Variants in WNT7A observed in about 807,000 individuals in gnomAD.
The protein encoded by WNT7A is protein Wnt-7a.
WNT7A carries 16 observed loss-of-function variants against 28.2 expected under a neutral mutation model. The observed-to-expected ratio is 0.57, with a 90% CI of 0.38 to 0.86. The LOEUF (loss-of-function observed/expected upper bound fraction) is 0.86. Ranked by LOEUF, WNT7A falls within the 40% of genes least tolerant of loss-of-function variation. WNT7A has a pLI of 0.00. For synonymous variants in WNT7A, 190 were observed against 195.9 expected, an observed-to-expected ratio of 0.97 and a Z score of 0.25; for missense variants, 411 against 489.7, an observed-to-expected ratio of 0.84 and a Z score of 1.52.
chr3:13,840,971 A>G (rs1694448145), intron 3 of WNT7A, among the ~76,000 whole-genome samples: 1 of 152,220 alleles, frequency 6.6e-6, no homozygotes, highest in Non-Finnish European at 1.5e-5. Context: ...ATTTACATGC[A>G]GTAATTCACT....
rs1694246645 is a variant in WNT7A, at chr3:13,829,623, A to G, written c.571-10200T>C. ...GTACACTGCTATGTGCCTGCAGGCGAGTCCCTTTCCTTCTCTGAGTCTCAG... is the reference window on the plus strand; with the variant it reads ...GTACACTGCTATGTGCCTGCAGGCGGGTCCCTTTCCTTCTCTGAGTCTCAG... On this transcript the variant is annotated intron_variant, in intron 3 of 3. Coordinates refer to ENST00000285018, the MANE Select transcript of WNT7A (RefSeq NM_004625.4). Among the ~76,000 whole-genome samples, 2 of 152,144 alleles carry G rather than the reference A, an allele frequency of 1.3e-5. 1 individual carries two copies. The highest frequency in any genetic ancestry group is 1.3e-4 in the Admixed American group (2 of 15,284).
intron 1 of WNT7A, among the ~76,000 whole-genome samples, chr3:13,877,793 G>T (rs1695131475): frequency 6.6e-6 from 1 of 152,350 alleles, no homozygotes; most frequent in Non-Finnish European, 1.5e-5. Context: ...TGTGGTGGTG[G>T]TGTTGTAATT....
intron 3 of WNT7A, among the ~76,000 whole-genome samples, chr3:13,841,903 G>A (rs548713939): frequency 6.6e-6 from 1 of 152,338 alleles, no homozygotes; most frequent in African/African-American, 2.4e-5. Context: ...TCCTTGAGAG[G>A]TGATATTTGA....
At chr3:13,875,208 G>A in intron 1 of WNT7A, 35 bp from the exon 2 acceptor site, 1 of 1,609,808 alleles carries the variant, frequency 6.2e-7, no homozygotes, top group Non-Finnish European at 8.5e-7. Context: ...GGAGCATTAG[G>A]CCAGCAAGGG....
At chr3:13,864,658 G>A (rs1044408191) in intron 2 of WNT7A, among the ~76,000 whole-genome samples, 2 of 152,216 alleles carry the variant, frequency 1.3e-5, no homozygotes, top group East Asian at 3.8e-4. Context: ...TCTGTGGGAT[G>A]AGGACGTGAA....
At chr3:13,822,041 G>A (rs11926637) in intron 3 of WNT7A, among the ~76,000 whole-genome samples, 20,744 of 152,224 alleles carry the variant, frequency 0.14, 1,659 homozygotes, top group Middle Eastern at 0.21. Context: ...AAACCACAAC[G>A]ACATGCTCCT....
rs1248125786 is a variant in WNT7A at position 13,850,475 on chromosome 3, C to T, written c.570+4057G>A. Among the ~76,000 whole-genome samples, 5 of 152,156 alleles carry T rather than the reference C, an allele frequency of 3.3e-5. No individual in the cohort carries two copies. In the East Asian group the frequency reaches 9.7e-4, roughly 29 times the overall value. On this transcript the variant is annotated intron_variant, in intron 3 of 3. Coordinates refer to ENST00000285018, the MANE Select transcript of WNT7A (RefSeq NM_004625.4). ...GCAGGGCAGGAAGGGACAAGACCGA[C>T]ACCCCTCCGTGTGCAAGAGGCTGGG...
At position 13,819,050 on chromosome 3, in the gene WNT7A, G is replaced by A; in HGVS notation, c.944C>T (p.Thr315Ile). Reference protein sequence around the residue: ...DLMCCGRGYNTHQYARVWQCN... With the variant: ...DLMCCGRGYNIHQYARVWQCN... ...CTGCCACACGCGGGCGTACTGGTGGGTGTTGTAGCCACGCCCACAGCACAT... is the reference window on the plus strand; with the variant it reads ...CTGCCACACGCGGGCGTACTGGTGGATGTTGTAGCCACGCCCACAGCACAT... The change falls in exon 4 of 4, where the codon ACC (threonine) becomes ATC (isoleucine). Residue 315 changes from threonine to isoleucine, a missense_variant. Thr to Ile is a moderately conservative substitution (Grantham distance 89, BLOSUM62 -1). Coordinates refer to ENST00000285018, the MANE Select transcript of WNT7A (RefSeq NM_004625.4). 1 of 1,613,912 alleles carries A rather than the reference G, an allele frequency of 6.2e-7. No homozygotes were observed. Among genetic ancestry groups the A allele is most frequent in the Middle Eastern group, 1.6e-4 (1 of 6,062 alleles).
At chr3:13,853,696 C>T (rs1014933523) in intron 3 of WNT7A, among the ~76,000 whole-genome samples, 1 of 152,232 alleles carries the variant, frequency 6.6e-6, no homozygotes, top group African/African-American at 2.4e-5. Flanking sequence ...GCCTCATGCC[C>T]AGTGGAGCTG....
At chr3:13,856,231 C>T (rs1694728274) in intron 2 of WNT7A, among the ~76,000 whole-genome samples, 1 of 152,246 alleles carries the variant, frequency 6.6e-6, no homozygotes, top group African/African-American at 2.4e-5. Context: ...CAAGTCCCAG[C>T]TCCGCCACTG....
chr3:13,874,503 GGGTTGCCCAT>G (rs1466262007), intron 2 of WNT7A, among the ~76,000 whole-genome samples: 1 of 152,120 alleles, frequency 6.6e-6, no homozygotes, highest in Non-Finnish European at 1.5e-5. Context: ...GGCAGTGAAT[GGGTTGCCCAT>G]TCACTGCTGC....
rs568225203 is a variant in WNT7A, at chr3:13,877,922, T to G, written c.71+1824A>C. On this transcript the variant is annotated intron_variant, in intron 1 of 3. Coordinates refer to ENST00000285018, the MANE Select transcript of WNT7A (RefSeq NM_004625.4). ...CATCAGCCAGAAGCGGGTAGAGCCG[T>G]CACGTCTGGGGAAATGGAAAAACCT... Among the ~76,000 whole-genome samples, 14 of 152,312 alleles carry G rather than the reference T, an allele frequency of 9.2e-5. No individual in the cohort carries two copies. In the South Asian group the frequency reaches 2.7e-3, roughly 29 times the overall value.
rs56090932 is a variant in WNT7A, at chr3:13,817,423, TACACACACAC to T, written c.*1511_*1520del. 0.05 allele frequency: 7,104 copies of T among 143,312 alleles called. 266 individuals carry two copies. Among genetic ancestry groups the T allele is most frequent in the East Asian group, 0.11 (529 of 4,644 alleles). 8.9% of individuals were successfully genotyped at this position (143,312 alleles called of 1,614,324 possible). ...CACTCAAGTCCCTAAGAAGATACAGTACACACACACACACACACACACACACACACACACA... is the reference window on the plus strand; with the variant it reads ...CACTCAAGTCCCTAAGAAGATACAGTACACACACACACACACACACACACA... On this transcript the variant is annotated 3_prime_UTR_variant, in exon 4 of 4. Transcript: ENST00000285018.
rs936525152 is a variant in WNT7A at position 13,865,863 on chromosome 3, G to A, written c.298+9084C>T. Among the ~76,000 whole-genome samples, 8 of 152,134 alleles carry A rather than the reference G, an allele frequency of 5.3e-5. No homozygotes were observed. In the East Asian group the frequency reaches 1.5e-3, roughly 29 times the overall value. ...TCTGGGCCCCATGGAGCCTCATGAT[G>A]GCAGAGAAGACTAATGTCAGATGGG... On this transcript the variant is annotated intron_variant, in intron 2 of 3. Transcript: ENST00000285018.
At chr3:13,841,252 C>A (rs1351606784) in intron 3 of WNT7A, among the ~76,000 whole-genome samples, 6 of 152,224 alleles carry the variant, frequency 3.9e-5, no homozygotes, top group Admixed American at 3.9e-4. Context: ...CTAGACTAAG[C>A]TTCCTGATGG....
rs1388602050 is a variant in WNT7A at position 13,816,670 on chromosome 3, G to A, written c.*2274C>T. On this transcript the variant is annotated 3_prime_UTR_variant, in exon 4 of 4. Coordinates refer to ENST00000285018, the MANE Select transcript of WNT7A (RefSeq NM_004625.4). ...ACTGCTCACTTACCTATCTGTAGGT[G>A]TACCTACCTCATCAACCCACCCTCA... 6.6e-6 allele frequency: 1 copy of A among 152,156 alleles called. No homozygotes were observed. Among genetic ancestry groups the A allele is most frequent in the African/African-American group, 2.4e-5 (1 of 41,344 alleles). 9.4% of individuals were successfully genotyped at this position (152,156 alleles called of 1,614,324 possible).
intron 3 of WNT7A, among the ~76,000 whole-genome samples, chr3:13,853,952 G>A (rs1694683011): frequency 6.6e-6 from 1 of 152,178 alleles, no homozygotes; most frequent in Admixed American, 6.5e-5. Context: ...ACAGGGAGGA[G>A]GGAGCAGCTG....
chr3:13,816,987 C>T lies in WNT7A; in HGVS notation c.*1957G>A, dbSNP rs1366644995. The T allele has an allele frequency of 6.6e-6, 1 of 152,216 alleles. No individual in the cohort carries two copies. The highest frequency in any genetic ancestry group is 1.5e-5 in the Non-Finnish European group (1 of 68,066). The allele number at this position is 152,216 out of a possible 1,614,324, so 9.4% of individuals were successfully genotyped here. A position where few individuals can be genotyped will look rare whatever the true frequency, so the allele number is the denominator to read the frequency against. ...CCAAGGGAAGAAACCATGCAACCAT[C>T]CAGTCACTTTTATTTGCCCATGCTG... On this transcript the variant is annotated 3_prime_UTR_variant, in exon 4 of 4. Transcript: ENST00000285018.
At chr3:13,861,209 C>T (rs1575071266) in intron 2 of WNT7A, among the ~76,000 whole-genome samples, 2 of 152,216 alleles carry the variant, frequency 1.3e-5, no homozygotes, top group Admixed American at 6.5e-5. Flanking sequence ...CTGGGCTTGG[C>T]CACCATGGCC....
Sources: allele counts gnomAD v4.1 joint callset (sites outside exome capture counted in the v4.1 genomes callset), GRCh38; gene constraint gnomAD v4.1.1; transcripts MANE v1.5; gene names NCBI Gene and HGNC (gene_info 2026-07-23, HGNC 2026-07-21).